RRBP1: variants seen among roughly 807,000 people sequenced by gnomAD.
The protein encoded by RRBP1 is ribosome-binding protein 1.
In RRBP1, 94 loss-of-function variants were observed where a neutral mutation model predicts 165.2. That is an observed-to-expected ratio of 0.57 (90% CI 0.48 to 0.68). RRBP1 has a LOEUF of 0.68. RRBP1 is among the 30% of genes least tolerant of loss of function. The pLI is 0.00. For synonymous variants in RRBP1, 680 were observed against 714.5 expected (o/e 0.95, Z 0.77); for missense variants, 1,676 against 1,763.0 (o/e 0.95, Z 0.88).
rs543794081 is a variant in RRBP1 at position 17,626,123 on chromosome 20, A to G, written c.2964-521T>C. ...TCTCTACTCCAGAGCAGGATGGCCC[A>G]GCCTACACATAACTTTCAGATCAAC... is the stretch of plus-strand genomic sequence containing the variant. On this transcript the variant is annotated intron_variant, in intron 11 of 24. Transcript: ENST00000377813. 3.3e-5 allele frequency among the ~76,000 whole-genome samples: 5 copies of G among 152,364 alleles called. No individual in the cohort carries two copies. In the South Asian group the frequency reaches 1.0e-3, roughly 32 times the overall value.
chr20:17,652,208 C>A (rs769520875), intron 3 of RRBP1, among the ~76,000 whole-genome samples: 28 of 152,250 alleles, frequency 1.8e-4, no homozygotes, highest in Non-Finnish European at 3.4e-4. Context: ...CTGTGCAAAA[C>A]TTTCTGCTCT....
intron 3 of RRBP1, among the ~76,000 whole-genome samples, chr20:17,647,938 C>T (rs544369780): frequency 5.3e-5 from 8 of 152,238 alleles, no homozygotes; most frequent in South Asian, 2.1e-4. Flanking sequence ...CCCAGTCACC[C>T]GACCCAAACT....
chr20:17,627,821 T>A, intron 9 of RRBP1, 139 bp from the exon 10 acceptor site: 2 of 768,010 alleles, frequency 2.6e-6, no homozygotes, highest in Non-Finnish European at 4.1e-6. Context: ...CTGGGGCTCT[T>A]AAGACATACT....
At chr20:17,650,485 C>A (rs1015468453) in intron 3 of RRBP1, among the ~76,000 whole-genome samples, 1 of 152,172 alleles carries the variant, frequency 6.6e-6, no homozygotes, top group African/African-American at 2.4e-5. Flanking sequence ...CCAGGGTTAC[C>A]CACCCCCGTC....
chr20:17,647,036 A>G (rs1185813490), intron 3 of RRBP1, among the ~76,000 whole-genome samples: 1 of 152,122 alleles, frequency 6.6e-6, no homozygotes, highest in Non-Finnish European at 1.5e-5. Context: ...GGTTAATAGG[A>G]GGGGATTATC....
intron 20 of RRBP1, among the ~76,000 whole-genome samples, chr20:17,618,027 C>T (rs937470478): frequency 1.3e-5 from 2 of 151,866 alleles, no homozygotes; most frequent in African/African-American, 4.8e-5. Flanking sequence ...GCCACCTGCA[C>T]AGGCAGAGCT....
At chr20:17,656,437 T>C (rs2036647164) in intron 3 of RRBP1, among the ~76,000 whole-genome samples, 1 of 152,196 alleles carries the variant, frequency 6.6e-6, no homozygotes. Context: ...ATCTATTTCA[T>C]CCAAACCTTA....
intron 5 of RRBP1, 86 bp downstream of exon 5, chr20:17,641,711 C>G (rs1010660141): frequency 1.3e-6 from 2 of 1,530,530 alleles, no homozygotes; most frequent in East Asian, 4.5e-5. Context: ...CCCAGCATCT[C>G]GGAGCCCGGG....
intron 2 of RRBP1, among the ~76,000 whole-genome samples, chr20:17,668,335 T>C (rs1161987829): frequency 6.6e-6 from 1 of 152,244 alleles, no homozygotes; most frequent in Non-Finnish European, 1.5e-5. Context: ...TTATTCGATT[T>C]GTTTTTTAAG....
At chr20:17,665,241 C>T (rs76017023) in intron 2 of RRBP1, among the ~76,000 whole-genome samples, 2,438 of 152,264 alleles carry the variant, frequency 0.016, 78 homozygotes, top group African/African-American at 0.056. Flanking sequence ...TCTATCTCTA[C>T]CAACAAAATA....
chr20:17,630,025 C>A (rs756531300), intron 8 of RRBP1, 64 bp from the exon 9 acceptor site: 101 of 1,525,386 alleles, frequency 6.6e-5, no homozygotes, highest in Non-Finnish European at 8.6e-5. Context: ...AGCGGCTCTG[C>A]GGTGGAGGCG....
In RRBP1 at chr20:17,641,570, C is replaced by T. The variant is rs4814632; in HGVS notation, c.2184+227G>A. The stretch of plus-strand genomic sequence containing the variant: ...TCACTTCCCTGCGTTCTTACAGCCA[C>T]GAAGGAAGCCACCACGCCGTAGAGC... On this transcript the variant is annotated intron_variant, in intron 5 of 24. Coordinates refer to ENST00000377813, the MANE Select transcript of RRBP1 (RefSeq NM_001365613.2). 1.3e-3 allele frequency: 742 copies of T among 589,324 alleles called. 13 individuals carry two copies. The Admixed American group carries it at 0.019, about 15-fold the overall frequency. 36.5% of individuals were successfully genotyped at this position (589,324 alleles called of 1,614,324 possible).
At chr20:17,636,887 G>T (rs578013826) in intron 5 of RRBP1, among the ~76,000 whole-genome samples, 158 bp from the exon 6 acceptor site, 2 of 152,336 alleles carry the variant, frequency 1.3e-5, no homozygotes, top group East Asian at 3.9e-4. Context: ...CAGCTGCAGT[G>T]GGAACGACGA....
rs769876570 is a variant in RRBP1, at chr20:17,616,723, C to T, written c.3867+9G>A. The T allele has an allele frequency of 1.8e-5, 29 of 1,590,468 alleles. No individual in the cohort carries two copies. The Middle Eastern group carries it at 1.2e-3, about 64-fold the overall frequency. On this transcript the variant is annotated intron_variant, in intron 21 of 24. Transcript: ENST00000377813. ...GTGATGTGTCTGGGGACCAGCTCAC[C>T]GCCCTAACCTGAACGGGGTCCTGCT...
chr20:17,636,253 T>C (rs2036246605), intron 6 of RRBP1, among the ~76,000 whole-genome samples: 1 of 152,238 alleles, frequency 6.6e-6, no homozygotes, highest in Non-Finnish European at 1.5e-5. Context: ...TAGGTTCACA[T>C]GAAGGGTGAG....
At chr20:17,647,675 G>A (rs2036488106) in intron 3 of RRBP1, among the ~76,000 whole-genome samples, 1 of 152,182 alleles carries the variant, frequency 6.6e-6, no homozygotes. Context: ...TCAACCCAGG[G>A]ACTCTGGCAA....
rs2035782089 is a variant in RRBP1 at position 17,615,514 on chromosome 20, A to G, written c.3967T>C (p.Cys1323Arg). 2 of 1,606,008 alleles carry G rather than the reference A, an allele frequency of 1.2e-6. No homozygotes were observed. The highest frequency in any genetic ancestry group is 1.7e-6 in the Non-Finnish European group (2 of 1,177,468). ...AEFEEAQTSA[C>R]RLQEELEKLR... ...TTCTCCAATTCTTCTTGTAACCGAC[A>G]TGCCGAGGTCTGAGCCTTGCCGGAG... The change falls in exon 23 of 25, where the codon TGT (cysteine) becomes CGT (arginine). Residue 1323 changes from cysteine (C) to arginine (R), a missense_variant. This residue lies in a region of RRBP1 where 1,184 missense variants were observed against 1,167.1 expected (regional missense o/e 1.01). Coordinates refer to ENST00000377813, the MANE Select transcript of RRBP1 (RefSeq NM_001365613.2).
chr20:17,678,004 G>T (rs2037114077), intron 2 of RRBP1, among the ~76,000 whole-genome samples: 1 of 152,178 alleles, frequency 6.6e-6, no homozygotes, highest in Non-Finnish European at 1.5e-5. Context: ...TTCTAGTCTT[G>T]CCAAAAAAAT....
chr20:17,619,540 C>A, intron 19 of RRBP1, 93 bp downstream of exon 19: 1 of 880,328 alleles, frequency 1.1e-6, no homozygotes. Flanking sequence ...CTTATGTCAC[C>A]GAGAGCTGCT....
Sources: gnomAD v4.1 joint callset for allele counts (sites outside exome capture counted in the v4.1 genomes callset) on GRCh38, gnomAD v4.1.1 for gene constraint, gnomAD v4.1.1 regional missense constraint, MANE v1.5 for transcripts, NCBI Gene and HGNC (gene_info 2026-07-23, HGNC 2026-07-21) for gene names.